Variants in UNC13C observed in about 807,000 individuals in gnomAD.
UNC13C encodes protein unc-13 homolog C.
Under a neutral mutation model 245.4 loss-of-function variants are expected in UNC13C, and 174 were observed. The observed-to-expected ratio is 0.71, with a 90% CI of 0.63 to 0.80. The LOEUF is 0.80. Ranked by LOEUF, UNC13C falls within the 30% of genes least tolerant of loss-of-function variation. The pLI, the probability that UNC13C is intolerant of heterozygous loss-of-function variation, is 0.00. For synonymous variants in UNC13C, 992 were observed against 895.1 expected (o/e 1.11, Z -1.93); for missense variants, 2,829 against 2,602.9 (o/e 1.09, Z -1.89).
At position 54,014,724 on chromosome 15, in the gene UNC13C, T is replaced by C; in HGVS notation, c.1821T>C (p.Asn607=). 1 of 1,613,872 alleles carries C rather than the reference T, an allele frequency of 6.2e-7. No individual in the cohort carries two copies. Among genetic ancestry groups the C allele is most frequent in the Middle Eastern group, 1.6e-4 (1 of 6,062 alleles). Residue 607 remains asparagine, a synonymous_variant, in exon 2 of 33, where the codon AAT becomes AAC. Transcript: ENST00000260323. ...LYDSPKDQHL[N]GGVQGIQGQT... is the part of the protein sequence containing the mutation. ...ACAGTCCCAAGGACCAGCATTTGAATGGAGGTGTTCAGGGTATCCAAGGGC... is the reference window on the plus strand; with the variant it reads ...ACAGTCCCAAGGACCAGCATTTGAACGGAGGTGTTCAGGGTATCCAAGGGC...
intron 2 of UNC13C, among the ~76,000 whole-genome samples, chr15:54,109,500 C>A (rs1434349222): frequency 6.6e-6 from 1 of 151,472 alleles, no homozygotes; most frequent in Non-Finnish European, 1.5e-5. Flanking sequence ...CACCACCACG[C>A]CCAGCTAATT....
chr15:53,855,187 C>T, the UNC13C span, among the ~76,000 whole-genome samples: 1 of 152,112 alleles, frequency 6.6e-6, no homozygotes, highest in South Asian at 2.1e-4. Flanking sequence ...GCTTAAGTAG[C>T]TTTTGGGCTG....
intron 2 of UNC13C, among the ~76,000 whole-genome samples, chr15:54,120,547 C>T (rs955320550): frequency 1.3e-5 from 2 of 152,036 alleles, no homozygotes; most frequent in Non-Finnish European, 2.9e-5. Context: ...TTCTGCAGCC[C>T]ATGGATCAGG....
chr15:54,124,012 A>G (rs12912752), intron 2 of UNC13C, among the ~76,000 whole-genome samples: 57,576 of 151,822 alleles, frequency 0.38, 11,022 homozygotes, highest in African/African-American at 0.41. Flanking sequence ...TATTCAAATT[A>G]TTGCATGTAT....
At chr15:54,210,439 C>T (rs1006009254) in intron 4 of UNC13C, among the ~76,000 whole-genome samples, 1 of 151,760 alleles carries the variant, frequency 6.6e-6, no homozygotes, top group East Asian at 1.9e-4. Context: ...AATGCTATGT[C>T]AAAATTACTT....
chr15:54,479,839 G>T (rs75800395), intron 19 of UNC13C, among the ~76,000 whole-genome samples: 2 of 152,010 alleles, frequency 1.3e-5, no homozygotes, highest in Non-Finnish European at 2.9e-5. Flanking sequence ...TAAGGCCTGT[G>T]TAGTGGTGAT....
At chr15:54,237,978 G>A (rs1214779170) in intron 7 of UNC13C, among the ~76,000 whole-genome samples, 2 of 150,874 alleles carry the variant, frequency 1.3e-5, no homozygotes, top group African/African-American at 4.9e-5. Flanking sequence ...TTTTTACATA[G>A]TTTAAGTTTT....
chr15:54,203,644 T>A (rs538638757), intron 4 of UNC13C, among the ~76,000 whole-genome samples: 5 of 148,838 alleles, frequency 3.4e-5, no homozygotes, highest in African/African-American at 1.2e-4. Flanking sequence ...AATGGAATAC[T>A]ACTCAGTCAT....
intron 4 of UNC13C, among the ~76,000 whole-genome samples, chr15:54,232,284 G>A (rs2035574577): frequency 6.6e-6 from 1 of 152,126 alleles, no homozygotes; most frequent in Non-Finnish European, 1.5e-5. Flanking sequence ...TAAAATGTAA[G>A]TTCAGTGAAA....
Position 54,626,877 on chromosome 15 carries a change from G to A in UNC13C, c.6409G>A (p.Val2137Ile), listed in dbSNP as rs1343606394. 6.2e-7 allele frequency: 1 copy of A among 1,613,214 alleles called. No homozygotes were observed. The highest frequency in any genetic ancestry group is 1.1e-5 in the South Asian group (1 of 91,062). Residue 2137 changes from valine (V) to isoleucine (I), a missense_variant, in exon 33 of 33, where the codon GTT becomes ATT. Transcript: ENST00000260323. ...AGGGGCTTATGAACTTCATCTCTCA[G>A]TTAAGGATTACTGCTTTGCCAGAGA... ...RPGAYELHLS[V>I]KDYCFAREDR...
intron 4 of UNC13C, among the ~76,000 whole-genome samples, chr15:54,199,907 G>C (rs917075918): frequency 1.3e-5 from 2 of 152,024 alleles, no homozygotes; most frequent in African/African-American, 4.8e-5. Flanking sequence ...TGGCTGAATA[G>C]ATGAAAATTT....
intron 25 of UNC13C, among the ~76,000 whole-genome samples, chr15:54,526,599 C>T (rs1425749119): frequency 6.6e-6 from 1 of 151,804 alleles, no homozygotes; most frequent in Non-Finnish European, 1.5e-5. Flanking sequence ...AAAAAAGTAG[C>T]CGGGCGTGGT....
chr15:54,418,567 A>G (rs887855888), intron 19 of UNC13C, among the ~76,000 whole-genome samples: 2 of 152,080 alleles, frequency 1.3e-5, no homozygotes, highest in African/African-American at 4.8e-5. Flanking sequence ...AAGAGATTAG[A>G]CACACTAAAG....
intron 2 of UNC13C, among the ~76,000 whole-genome samples, chr15:54,039,101 A>G (rs1896708692): frequency 6.6e-6 from 1 of 152,154 alleles, no homozygotes; most frequent in Non-Finnish European, 1.5e-5. Flanking sequence ...TTTAGAAGAC[A>G]TTGTGCCCCC....
intron 14 of UNC13C, among the ~76,000 whole-genome samples, chr15:54,325,618 T>C (rs1263151419): frequency 2.0e-5 from 3 of 151,932 alleles, no homozygotes; most frequent in African/African-American, 7.2e-5. Flanking sequence ...CATCCATATG[T>C]TCTCATTGTT....
At chr15:54,235,652 A>C (rs2035675088) in intron 5 of UNC13C, among the ~76,000 whole-genome samples, 1 of 152,166 alleles carries the variant, frequency 6.6e-6, no homozygotes, top group Admixed American at 6.5e-5. Context: ...GGAGATCAAG[A>C]CCATCCTGGC....
chr15:53,901,784 G>A, the UNC13C span, among the ~76,000 whole-genome samples: 4 of 152,146 alleles, frequency 2.6e-5, no homozygotes, highest in East Asian at 7.7e-4. Context: ...GAGAGTGTAT[G>A]TTTACTGCAC....
intron 4 of UNC13C, among the ~76,000 whole-genome samples, chr15:54,225,892 A>G (rs911488621): frequency 6.6e-6 from 1 of 152,174 alleles, no homozygotes; most frequent in African/African-American, 2.4e-5. Flanking sequence ...GCCAGTTTTC[A>G]AAGCAAATGC....
In UNC13C at chr15:54,014,003, G is replaced by A; in HGVS notation, c.1100G>A (p.Arg367Lys). 2 of 1,613,804 alleles carry A rather than the reference G, an allele frequency of 1.2e-6. No individual in the cohort carries two copies. The highest frequency in any genetic ancestry group is 1.7e-6 in the Non-Finnish European group (2 of 1,179,842). The part of the protein sequence containing the change: ...IEFAQRIGHQ[R>K]DCPNAKPRPI... ...TTTGCTCAGAGGATAGGACACCAGA[G>A]AGACTGCCCAAATGCAAAGCCTCGA... The change falls in exon 2 of 33, where the codon AGA (arginine) becomes AAA (lysine). Residue 367 changes from arginine (R) to lysine (K), a missense_variant. By Grantham distance (26) the Arg-to-Lys change is conservative. Transcript: ENST00000260323.
Sources: allele counts gnomAD v4.1 joint callset (sites outside exome capture counted in the v4.1 genomes callset), GRCh38; gene constraint gnomAD v4.1.1; transcripts MANE v1.5; gene names NCBI Gene and HGNC (gene_info 2026-07-23, HGNC 2026-07-21).